The following THSD4 variants were observed in gnomAD, a reference collection of about 807,000 sequenced individuals.
The protein encoded by THSD4 is thrombospondin type-1 domain-containing protein 4.
A neutral mutation model predicts 119.0 loss-of-function variants in THSD4; 69 were observed. The observed-to-expected ratio is 0.58, with a 90% CI of 0.48 to 0.71. The LOEUF (loss-of-function observed/expected upper bound fraction) is 0.71. Among genes scored for constraint, THSD4 ranks in the 30% least tolerant of loss-of-function variants. THSD4 has a pLI of 0.00. For synonymous variants in THSD4, 524 were observed against 540.4 expected (o/e 0.97, Z 0.42); for missense variants, 1,393 against 1,391.1 (o/e 1.00, Z -0.02).
chr15:71,629,835 G>T (rs1422382470), intron 7 of THSD4, among the ~76,000 whole-genome samples: 2 of 152,124 alleles, frequency 1.3e-5, no homozygotes, highest in Admixed American at 6.5e-5. Context: ...TGGGATGCGT[G>T]GTTTGCAACC....
At chr15:71,209,918 T>C (rs2043875437) in intron 3 of THSD4, among the ~76,000 whole-genome samples, 1 of 152,134 alleles carries the variant, frequency 6.6e-6, no homozygotes, top group Admixed American at 6.5e-5. Flanking sequence ...TGTCTTCTCT[T>C]CTCTTGTTCT....
At chr15:71,681,548 GC>G (rs1274774287) in intron 8 of THSD4, among the ~76,000 whole-genome samples, 1 of 151,702 alleles carries the variant, frequency 6.6e-6, no homozygotes, top group Admixed American at 6.6e-5. Flanking sequence ...GTGGTGGCGA[GC>G]CTATAATCCC....
In THSD4 at chr15:71,779,859, A is replaced by G. The variant is rs900395635; in HGVS notation, c.*2485A>G. ...AACCAGGGGTCTCTTTTTTTTTTTC[A>G]ACAAACCATTGAGCTGTTCTTGGAG... is the stretch of plus-strand genomic sequence containing the variant. On this transcript the variant is annotated 3_prime_UTR_variant, in exon 18 of 18. Transcript: ENST00000261862. 8.7e-6 allele frequency: 1 copy of G among 115,206 alleles called. No individual in the cohort carries two copies. Among genetic ancestry groups the G allele is most frequent in the Non-Finnish European group, 1.9e-5 (1 of 52,408 alleles). 7.1% of individuals were successfully genotyped at this position (115,206 alleles called of 1,614,324 possible).
intron 10 of THSD4, among the ~76,000 whole-genome samples, chr15:71,734,362 T>A (rs1159995520): frequency 6.6e-6 from 1 of 152,136 alleles, no homozygotes; most frequent in East Asian, 1.9e-4. Context: ...GGAGAAACCT[T>A]CCATGCATAT....
chr15:71,700,171 T>A (rs930777321), intron 8 of THSD4, among the ~76,000 whole-genome samples: 2 of 152,164 alleles, frequency 1.3e-5, no homozygotes, highest in Admixed American at 6.5e-5. Context: ...ATATATGACA[T>A]CATTTCTTAC....
In THSD4 at chr15:71,782,788, T is replaced by C. The variant is rs2140273457; in HGVS notation, c.*5414T>C. ...CCTGAACCTGATTGCTACTTTTTCA[T>C]CTTAAATATTATATTTCCTCATCTA... On this transcript the variant is annotated 3_prime_UTR_variant, in exon 18 of 18. Transcript: ENST00000261862. 1 of 152,364 alleles carries C rather than the reference T, an allele frequency of 6.6e-6. No homozygotes were observed. Among genetic ancestry groups the C allele is most frequent in the Admixed American group, 6.5e-5 (1 of 15,306 alleles). The allele number at this position is 152,364 out of a possible 1,614,324, so 9.4% of individuals were successfully genotyped here.
At chr15:71,531,026 T>C (rs1411572735) in intron 7 of THSD4, among the ~76,000 whole-genome samples, 5 of 152,078 alleles carry the variant, frequency 3.3e-5, no homozygotes, top group African/African-American at 1.2e-4. Context: ...TGTGCTTCTA[T>C]CAGAGACCTG....
chr15:71,200,675 A>G (rs2043796140), intron 3 of THSD4, among the ~76,000 whole-genome samples: 1 of 152,190 alleles, frequency 6.6e-6, no homozygotes, highest in Non-Finnish European at 1.5e-5. Flanking sequence ...CTATGGATTT[A>G]GTTAATGCTT....
chr15:71,701,686 T>C (rs1348965235), intron 8 of THSD4, among the ~76,000 whole-genome samples: 2 of 152,124 alleles, frequency 1.3e-5, no homozygotes, highest in Non-Finnish European at 1.5e-5. Context: ...AAAATTATAG[T>C]AGGGTCCCAT....
At chr15:71,649,750 G>A (rs1452459237) in intron 7 of THSD4, among the ~76,000 whole-genome samples, 1 of 152,212 alleles carries the variant, frequency 6.6e-6, no homozygotes, top group African/African-American at 2.4e-5. Context: ...TTACATTTAA[G>A]TCTTTAATCC....
At chr15:71,337,216 G>T (rs956822279) in intron 6 of THSD4, among the ~76,000 whole-genome samples, 1 of 152,202 alleles carries the variant, frequency 6.6e-6, no homozygotes, top group East Asian at 1.9e-4. Flanking sequence ...ACTGTAAGGG[G>T]TGGTAGTGGC....
chr15:71,192,281 G>A (rs561041028), intron 3 of THSD4, among the ~76,000 whole-genome samples: 1 of 151,584 alleles, frequency 6.6e-6, no homozygotes, highest in South Asian at 2.1e-4. Context: ...TTCCTTTGGT[G>A]GATTTATTTA....
At chr15:71,561,863 AACACACACACACACACACACACAC>A (rs71154780) in intron 7 of THSD4, among the ~76,000 whole-genome samples, 19,441 of 130,314 alleles carry the variant, frequency 0.15, 1,694 homozygotes, top group Middle Eastern at 0.22. Context: ...TTTTAAAATA[AACACACACACACACACACACACAC>A]ACACACACAC....
intron 6 of THSD4, among the ~76,000 whole-genome samples, chr15:71,266,619 T>C (rs1330232413): frequency 1.3e-5 from 2 of 151,870 alleles, no homozygotes; most frequent in East Asian, 3.9e-4. Context: ...GTTTGATGAA[T>C]TGACAGAAGT....
chr15:71,601,647 C>T (rs2050012985), intron 7 of THSD4, among the ~76,000 whole-genome samples: 1 of 152,206 alleles, frequency 6.6e-6, no homozygotes, highest in South Asian at 2.1e-4. Context: ...TTGATGACTT[C>T]AGATTTGTGA....
At chr15:71,608,243 T>TACACACAC (rs1358546603) in intron 7 of THSD4, among the ~76,000 whole-genome samples, 23 of 82,776 alleles carry the variant, frequency 2.8e-4, no homozygotes, top group African/African-American at 7.6e-4. Context: ...AAAAAATATA[T>TACACACAC]ATATATACAC....
At chr15:71,165,325 G>C (rs113012046) in intron 3 of THSD4, 2 of 1,580,562 alleles carry the variant, frequency 1.3e-6, no homozygotes, top group Admixed American at 1.7e-5. Context: ...GAAGCATCTG[G>C]GTGCTTCTTC....
At chr15:71,121,158 A>G (rs2040405946) in intron 1 of THSD4, among the ~76,000 whole-genome samples, 1 of 151,790 alleles carries the variant, frequency 6.6e-6, no homozygotes. Flanking sequence ...GAGGGAGCCC[A>G]CCTCCTTTCC....
At chr15:71,633,269 C>CTT (rs67682951) in intron 7 of THSD4, among the ~76,000 whole-genome samples, 8,073 of 62,524 alleles carry the variant, frequency 0.13, 399 homozygotes, top group Non-Finnish European at 0.18. Flanking sequence ...TTCTTTCTTT[C>CTT]TTTTTTTTTT....
Sources: allele counts gnomAD v4.1 joint callset (sites outside exome capture counted in the v4.1 genomes callset), GRCh38; gene constraint gnomAD v4.1.1; transcripts MANE v1.5; gene names NCBI Gene and HGNC (gene_info 2026-07-23, HGNC 2026-07-21).